The following DSCAM variants were observed in gnomAD, a reference collection of about 807,000 sequenced individuals.
DSCAM encodes DS cell adhesion molecule.
DSCAM carries 47 observed loss-of-function variants against 217.7 expected under a neutral mutation model. The observed-to-expected ratio is 0.22, with a 90% CI of 0.17 to 0.28. The LOEUF (loss-of-function observed/expected upper bound fraction) is 0.28, where lower values mean the gene tolerates loss of function less well. Among genes scored for constraint, DSCAM ranks in the 10% least tolerant of loss-of-function variants. The pLI is 1.00. For missense variants in DSCAM, 2,080 were observed against 2,618.3 expected (o/e 0.79, Z 4.49); for synonymous variants, 1,056 against 1,015.3 (o/e 1.04, Z -0.76).
At chr21:40,749,108 C>T (rs1266052542) in intron 1 of DSCAM, among the ~76,000 whole-genome samples, 1 of 151,960 alleles carries the variant, frequency 6.6e-6, no homozygotes, top group African/African-American at 2.4e-5. Context: ...GTGTTAGGAC[C>T]ATAACTATGA....
chr21:40,738,112 T>G (rs1385439849), intron 1 of DSCAM, among the ~76,000 whole-genome samples: 3 of 152,362 alleles, frequency 2.0e-5, no homozygotes, highest in African/African-American at 7.2e-5. Context: ...CTCTGTTATG[T>G]ACCCCCTCCC....
At chr21:40,355,886 G>C (rs932063895) in intron 4 of DSCAM, among the ~76,000 whole-genome samples, 1 of 152,208 alleles carries the variant, frequency 6.6e-6, no homozygotes, top group Non-Finnish European at 1.5e-5. Context: ...AGAAAAGACA[G>C]TGTTTGTCTT....
chr21:40,174,500 C>G (rs143822687), intron 15 of DSCAM, among the ~76,000 whole-genome samples: 62 of 149,182 alleles, frequency 4.2e-4, no homozygotes, highest in African/African-American at 1.5e-3. Flanking sequence ...TCAGATAGTA[C>G]AAATTTTGGG....
intron 1 of DSCAM, among the ~76,000 whole-genome samples, chr21:40,840,949 C>T (rs1410402138): frequency 6.6e-6 from 1 of 152,162 alleles, no homozygotes; most frequent in Non-Finnish European, 1.5e-5. Flanking sequence ...ATTTCCACTA[C>T]TCCATACCAT....
intron 20 of DSCAM, among the ~76,000 whole-genome samples, chr21:40,097,969 AGAAAG>A (rs2089702636): frequency 8.6e-4 from 63 of 73,500 alleles, no homozygotes; most frequent in Non-Finnish European, 1.3e-3. Context: ...AAAGAAAGAA[AGAAAG>A]AAAGAAAGAA....
At chr21:40,638,626 G>C (rs997203649) in intron 3 of DSCAM, among the ~76,000 whole-genome samples, 1 of 152,134 alleles carries the variant, frequency 6.6e-6, no homozygotes, top group Non-Finnish European at 1.5e-5. Flanking sequence ...GCACGGCGAG[G>C]CTGGGGCTGT....
At chr21:40,705,213 G>T (rs1012111497) in intron 2 of DSCAM, among the ~76,000 whole-genome samples, 1 of 152,126 alleles carries the variant, frequency 6.6e-6, no homozygotes, top group Non-Finnish European at 1.5e-5. Context: ...CAACATCTTT[G>T]TTGCTTCCAT....
chr21:40,377,758 G>A (rs961588229), intron 3 of DSCAM, among the ~76,000 whole-genome samples: 1 of 152,056 alleles, frequency 6.6e-6, no homozygotes, highest in South Asian at 2.1e-4. Flanking sequence ...GGAAAGGAGT[G>A]AGAGGAGGCA....
At chr21:40,356,468 CAATT>C (rs1471864526) in intron 4 of DSCAM, among the ~76,000 whole-genome samples, 1 of 151,776 alleles carries the variant, frequency 6.6e-6, no homozygotes, top group Non-Finnish European at 1.5e-5. Context: ...TTCAATACCT[CAATT>C]AACCTGGAGG....
chr21:40,696,322 G>A (rs1669246404), intron 2 of DSCAM, among the ~76,000 whole-genome samples: 1 of 152,124 alleles, frequency 6.6e-6, no homozygotes, highest in African/African-American at 2.4e-5. Flanking sequence ...GGAGGAGCTG[G>A]GTTCAAGCGA....
chr21:40,127,136 A>G (rs993103676), intron 19 of DSCAM, among the ~76,000 whole-genome samples: 71 of 152,350 alleles, frequency 4.7e-4, no homozygotes, highest in African/African-American at 1.7e-3. Flanking sequence ...TGTTAGAATT[A>G]TAAGAGATAA....
chr21:40,164,580 G>A (rs965110027), intron 16 of DSCAM, among the ~76,000 whole-genome samples: 4 of 152,058 alleles, frequency 2.6e-5, no homozygotes, highest in African/African-American at 4.8e-5. Flanking sequence ...GGTGGATCAC[G>A]TGAAGTCAGG....
At chr21:40,538,368 G>T (rs1442397912) in intron 3 of DSCAM, among the ~76,000 whole-genome samples, 2 of 152,122 alleles carry the variant, frequency 1.3e-5, no homozygotes, top group African/African-American at 4.8e-5. Context: ...GTAGGACCCG[G>T]AGCTGTTGGC....
chr21:40,677,647 G>C (rs890774109), intron 3 of DSCAM, among the ~76,000 whole-genome samples: 6 of 152,134 alleles, frequency 3.9e-5, no homozygotes, highest in African/African-American at 1.4e-4. Context: ...AAATTCATAT[G>C]TTGAAACCTA....
intron 16 of DSCAM, among the ~76,000 whole-genome samples, chr21:40,161,922 T>G (rs1359162787): frequency 6.6e-6 from 1 of 152,238 alleles, no homozygotes; most frequent in Non-Finnish European, 1.5e-5. Context: ...GGGTGTCTAC[T>G]CACTATGAAA....
In DSCAM at chr21:40,012,908, T is replaced by C; in HGVS notation, c.*126A>G. ...CTGTCTGTGGTTTCAGTATTTTCTC[T>C]TTTTTTTTTTTAATATATTTTGGCA... On this transcript the variant is annotated 3_prime_UTR_variant, in exon 33 of 33. Transcript: ENST00000400454. 1 of 431,566 alleles carries C rather than the reference T, an allele frequency of 2.3e-6. No individual in the cohort carries two copies. The highest frequency in any genetic ancestry group is 5.6e-5 in the East Asian group (1 of 17,860). The allele number at this position is 431,566 out of a possible 1,614,324, so 26.7% of individuals were successfully genotyped here. A position where few individuals can be genotyped will look rare whatever the true frequency, so the allele number is the denominator to read the frequency against.
At chr21:40,578,066 G>C (rs1236275302) in intron 3 of DSCAM, among the ~76,000 whole-genome samples, 1 of 152,150 alleles carries the variant, frequency 6.6e-6, no homozygotes, top group East Asian at 1.9e-4. Flanking sequence ...AACAAAGTTG[G>C]GCATTACATT....
In DSCAM at chr21:40,734,001, C is replaced by T. The variant is rs187168125; in HGVS notation, c.44-25230G>A. Among the ~76,000 whole-genome samples, 87 of 152,196 alleles carry T rather than the reference C, an allele frequency of 5.7e-4. 3 individuals carry two copies. The South Asian group carries it at 8.1e-3, about 14-fold the overall frequency. ...CAGGGAGCTGGGGTGTCTTGGCATCCGTAAACCCCGACATCACTTACTGTT... is the reference window on the plus strand; with the variant it reads ...CAGGGAGCTGGGGTGTCTTGGCATCTGTAAACCCCGACATCACTTACTGTT... On this transcript the variant is annotated intron_variant, in intron 1 of 32. Coordinates refer to ENST00000400454, the MANE Select transcript of DSCAM (RefSeq NM_001389.5).
At chr21:40,375,708 T>C (rs1210366560) in intron 3 of DSCAM, among the ~76,000 whole-genome samples, 1 of 152,222 alleles carries the variant, frequency 6.6e-6, no homozygotes, top group Non-Finnish European at 1.5e-5. Flanking sequence ...CTCCATTACA[T>C]AGAACAGTAC....
Sources: gnomAD v4.1 joint callset for allele counts (sites outside exome capture counted in the v4.1 genomes callset) on GRCh38, gnomAD v4.1.1 for gene constraint, MANE v1.5 for transcripts, NCBI Gene and HGNC (gene_info 2026-07-23, HGNC 2026-07-21) for gene names.